FRMPD4: variants seen among roughly 807,000 people sequenced by gnomAD.
FRMPD4 encodes the protein FERM and PDZ domain containing 4, also known as FERM and PDZ domain-containing protein 4.
In FRMPD4, 22 loss-of-function variants were observed where a neutral mutation model predicts 94.1. The ratio of observed to expected loss-of-function variants is 0.23; its 90% CI spans 0.17 to 0.33. FRMPD4 has a LOEUF of 0.33. Ranked by LOEUF, FRMPD4 falls within the 10% of genes least tolerant of loss-of-function variation. The pLI, the probability that FRMPD4 is intolerant of heterozygous loss-of-function variation, is 1.00. For synonymous variants in FRMPD4, 631 were observed against 548.6 expected (o/e 1.15, Z -2.10); for missense variants, 1,111 against 1,339.9 (o/e 0.83, Z 2.67).
chrX:12,024,383 C>T (rs2054648398), intron 3 of FRMPD4, among the ~76,000 whole-genome samples: 1 of 111,950 alleles, frequency 8.9e-6, no homozygotes, highest in African/African-American at 3.2e-5. Flanking sequence ...AAAATAATTT[C>T]TCCAAGGTCA....
chrX:12,462,876 A>C (rs1299631446), intron 1 of FRMPD4, among the ~76,000 whole-genome samples: 2 of 111,260 alleles, frequency 1.8e-5, no homozygotes, highest in Non-Finnish European at 3.8e-5. Flanking sequence ...TGTAGTCCCA[A>C]CTACTTGGAG....
intron 1 of FRMPD4, among the ~76,000 whole-genome samples, chrX:12,224,042 C>T (rs1335330833): frequency 1.8e-5 from 2 of 109,411 alleles, no homozygotes; most frequent in Non-Finnish European, 3.8e-5. Context: ...TCCCTGGCCT[C>T]TATCTAGTAG....
At chrX:12,338,473 C>T (rs547001419) in intron 1 of FRMPD4, among the ~76,000 whole-genome samples, 51 of 112,276 alleles carry the variant, frequency 4.5e-4, no homozygotes, top group South Asian at 2.2e-3. Context: ...TCAGTGTGTT[C>T]GGTGTAATGC....
chrX:12,223,969 T>G (rs1241934500), intron 1 of FRMPD4, among the ~76,000 whole-genome samples: 1 of 110,888 alleles, frequency 9.0e-6, no homozygotes, highest in Non-Finnish European at 1.9e-5. Flanking sequence ...TCAGCACTAT[T>G]GACATTTTGA....
chrX:12,184,894 ATAGT>A (rs1159083895), intron 1 of FRMPD4, among the ~76,000 whole-genome samples: 2 of 111,360 alleles, frequency 1.8e-5, no homozygotes, highest in African/African-American at 6.5e-5. Flanking sequence ...GGTACAAAAA[ATAGT>A]TAGAAGGAAT....
chrX:12,451,059 T>G (rs1024095560), intron 1 of FRMPD4, among the ~76,000 whole-genome samples: 19 of 110,515 alleles, frequency 1.7e-4, no homozygotes, highest in African/African-American at 5.9e-4. Flanking sequence ...CCACTTCAGA[T>G]CCACCAGCCT....
intron 1 of FRMPD4, among the ~76,000 whole-genome samples, chrX:12,462,427 T>C (rs950244460): frequency 4.5e-5 from 5 of 111,831 alleles, no homozygotes; most frequent in African/African-American, 1.3e-4. Context: ...AACTTAAATA[T>C]TGAATCTTTA....
chrX:12,665,439 G>C (rs1251091102), intron 4 of FRMPD4, among the ~76,000 whole-genome samples: 3 of 80,676 alleles, frequency 3.7e-5, no homozygotes, highest in East Asian at 5.0e-4. Flanking sequence ...GCGAGACTCC[G>C]TCTCAAAAAA....
At chrX:12,383,660 A>G (rs1021203694) in intron 1 of FRMPD4, among the ~76,000 whole-genome samples, 1 of 111,630 alleles carries the variant, frequency 9.0e-6, no homozygotes, top group African/African-American at 3.3e-5. Context: ...GTTTTTAATA[A>G]ATGAGGGCAA....
chrX:12,084,140 T>C (rs993513042), intron 3 of FRMPD4, among the ~76,000 whole-genome samples: 8 of 87,892 alleles, frequency 9.1e-5, no homozygotes, highest in Admixed American at 1.5e-4. Context: ...TTGAATTGTA[T>C]CTCCCAAAAT....
At chrX:12,698,960 G>A (rs1478348996) in intron 9 of FRMPD4, among the ~76,000 whole-genome samples, 3 of 111,985 alleles carry the variant, frequency 2.7e-5, no homozygotes, top group African/African-American at 6.5e-5. Flanking sequence ...TGCCATGTTC[G>A]AGGTCATTTT....
intron 1 of FRMPD4, among the ~76,000 whole-genome samples, chrX:12,144,207 A>G (rs1313156228): frequency 8.9e-6 from 1 of 112,162 alleles, no homozygotes; most frequent in African/African-American, 3.2e-5. Flanking sequence ...TAGTCAGAGG[A>G]ATGGAGGTAG....
At chrX:12,179,308 C>T (rs778518998) in intron 1 of FRMPD4, among the ~76,000 whole-genome samples, 9 of 110,723 alleles carry the variant, frequency 8.1e-5, no homozygotes, top group Non-Finnish European at 1.7e-4. Context: ...AGATGACCAG[C>T]CCAGGTCTCG....
intron 14 of FRMPD4, among the ~76,000 whole-genome samples, chrX:12,710,751 C>A (rs1465287104): frequency 4.5e-5 from 5 of 110,365 alleles, no homozygotes; most frequent in Admixed American, 9.6e-5. Flanking sequence ...ACTAAAAATA[C>A]AAAAATTAGC....
At chrX:12,390,152 AAGG>A (rs2056455597) in intron 1 of FRMPD4, among the ~76,000 whole-genome samples, 1 of 112,493 alleles carries the variant, frequency 8.9e-6, no homozygotes, top group South Asian at 3.7e-4. Context: ...TAAAGTCATG[AAGG>A]GAATCAAAAG....
intron 1 of FRMPD4, among the ~76,000 whole-genome samples, chrX:12,424,066 G>T (rs1417375129): frequency 8.9e-6 from 1 of 112,683 alleles, no homozygotes; most frequent in Non-Finnish European, 1.9e-5. Flanking sequence ...CTTGTTACTA[G>T]TAGCATGGCA....
intron 3 of FRMPD4, among the ~76,000 whole-genome samples, chrX:12,050,263 T>C (rs1251336080): frequency 9.0e-6 from 1 of 111,364 alleles, no homozygotes; most frequent in Non-Finnish European, 1.9e-5. Flanking sequence ...TATATAGATA[T>C]ACCAATTTTT....
intron 1 of FRMPD4, among the ~76,000 whole-genome samples, chrX:12,366,334 C>G (rs2056078238): frequency 8.9e-6 from 1 of 111,812 alleles, no homozygotes; most frequent in Non-Finnish European, 1.9e-5. Context: ...GATGAACCTC[C>G]TTGCCATCAG....
At chrX:12,167,959 C>T (rs750605326) in intron 1 of FRMPD4, among the ~76,000 whole-genome samples, 1 of 110,071 alleles carries the variant, frequency 9.1e-6, no homozygotes, top group South Asian at 4.0e-4. Flanking sequence ...CAATTGTGCC[C>T]CTAGGGGCCG....
Sources: gnomAD v4.1 joint callset for allele counts (sites outside exome capture counted in the v4.1 genomes callset) on GRCh38, gnomAD v4.1.1 for gene constraint, MANE v1.5 for transcripts, NCBI Gene and HGNC (gene_info 2026-07-23, HGNC 2026-07-21) for gene names.